Variants in ATAD2B observed in about 807,000 individuals in gnomAD.
The protein encoded by ATAD2B is ATPase family AAA domain-containing protein 2B.
ATAD2B carries 40 observed loss-of-function variants against 167.6 expected under a neutral mutation model. That is an observed-to-expected ratio of 0.24 (90% CI 0.19 to 0.31). The LOEUF is 0.31. ATAD2B is among the 10% of genes least tolerant of loss of function. ATAD2B has a pLI of 1.00. For missense variants in ATAD2B, 1,242 were observed against 1,757.2 expected (o/e 0.71, Z 5.24); for synonymous variants, 579 against 596.5 (o/e 0.97, Z 0.43).
chr2:23,829,243 G>C (rs1247807303), intron 14 of ATAD2B, among the ~76,000 whole-genome samples: 1 of 152,070 alleles, frequency 6.6e-6, no homozygotes, highest in Non-Finnish European at 1.5e-5. Context: ...TCTGGGACTA[G>C]AATTCAAAAC....
chr2:23,865,506 G>T (rs1003580506), intron 10 of ATAD2B, among the ~76,000 whole-genome samples: 1 of 148,446 alleles, frequency 6.7e-6, no homozygotes, highest in Non-Finnish European at 1.5e-5. Context: ...TACAGCCTGG[G>T]CAACAAGAGT....
intron 13 of ATAD2B, among the ~76,000 whole-genome samples, chr2:23,853,220 C>T (rs1318758477): frequency 1.3e-5 from 2 of 152,070 alleles, no homozygotes; most frequent in African/African-American, 2.4e-5. Flanking sequence ...TACTATTTAA[C>T]TGAATTCTAG....
chr2:23,904,350 T>G (rs1189896582), intron 1 of ATAD2B, among the ~76,000 whole-genome samples: 2 of 152,000 alleles, frequency 1.3e-5, no homozygotes, highest in Non-Finnish European at 2.9e-5. Flanking sequence ...ACCTGAGGAT[T>G]TGTAAGTAAG....
chr2:23,724,235 A>G, the ATAD2B span, among the ~76,000 whole-genome samples: 2 of 152,324 alleles, frequency 1.3e-5, no homozygotes, highest in East Asian at 1.9e-4. Flanking sequence ...ATAGTTAACA[A>G]TAATATATAG....
chr2:23,714,801 G>C, the ATAD2B span, among the ~76,000 whole-genome samples: 1 of 151,490 alleles, frequency 6.6e-6, no homozygotes, highest in African/African-American at 2.4e-5. Flanking sequence ...GCTGCAGTGA[G>C]CCAAGATCGC....
chr2:23,884,971 G>T, intron 5 of ATAD2B, 98 bp from the exon 6 acceptor site: 1 of 534,140 alleles, frequency 1.9e-6, no homozygotes. Context: ...AAAATTTATT[G>T]AGCACCTATT....
intron 17 of ATAD2B, among the ~76,000 whole-genome samples, chr2:23,817,067 A>T (rs1686556785): frequency 1.3e-5 from 2 of 152,170 alleles, no homozygotes. Context: ...AAACTAAACC[A>T]ACCAAACAAA....
chr2:23,880,571 A>G lies in ATAD2B; in HGVS notation c.901+68T>C, dbSNP rs996023569. 1.3e-5 allele frequency: 12 copies of G among 908,736 alleles called. No homozygotes were observed. The Admixed American group carries it at 2.6e-4, about 20-fold the overall frequency. The allele number at this position is 908,736 out of a possible 1,614,324, so 56.3% of individuals were successfully genotyped here. A position where few individuals can be genotyped will look rare whatever the true frequency, so the allele number is the denominator to read the frequency against. Reference sequence around the variant, plus strand: ...GAGCGAGACTCTGTCTCAAAAAAAAAAAAAAGCAGTGGGGCAGAATAAGTT... The same window carrying G: ...GAGCGAGACTCTGTCTCAAAAAAAAGAAAAAGCAGTGGGGCAGAATAAGTT... On this transcript the variant is annotated intron_variant, in intron 7 of 27. Coordinates refer to ENST00000238789, the MANE Select transcript of ATAD2B (RefSeq NM_017552.4).
chr2:23,748,907 C>T lies in ATAD2B; in HGVS notation c.*3139G>A, dbSNP rs141480606. 24 of 151,992 alleles carry T rather than the reference C, an allele frequency of 1.6e-4. No individual in the cohort carries two copies. The highest frequency in any genetic ancestry group is 5.5e-4 in the African/African-American group (23 of 41,462). The allele number at this position is 151,992 out of a possible 1,614,324, so 9.4% of individuals were successfully genotyped here. On this transcript the variant is annotated 3_prime_UTR_variant, in exon 28 of 28. Coordinates refer to ENST00000238789, the MANE Select transcript of ATAD2B (RefSeq NM_017552.4). ...ACATGACTGAAACCAAATTGGACTC[C>T]CAAAGTCTAAGTAACCAGATGTACA... is the stretch of plus-strand genomic sequence containing the variant.
chr2:23,862,255 T>C (rs1223461134), intron 12 of ATAD2B, among the ~76,000 whole-genome samples: 1 of 151,956 alleles, frequency 6.6e-6, no homozygotes, highest in Non-Finnish European at 1.5e-5. Context: ...ACACACACCA[T>C]CTCAGTAATG....
chr2:23,766,941 T>C (rs1359780198), intron 22 of ATAD2B, among the ~76,000 whole-genome samples: 2 of 149,184 alleles, frequency 1.3e-5, no homozygotes, highest in Non-Finnish European at 3.0e-5. Context: ...AAACAACTAG[T>C]GCAGGTTCAG....
chr2:23,731,824 A>C, the ATAD2B span, among the ~76,000 whole-genome samples: 1 of 152,108 alleles, frequency 6.6e-6, no homozygotes, highest in South Asian at 2.1e-4. Flanking sequence ...AAAAATAAAA[A>C]AATTAGCTGG....
chr2:23,850,138 CAAA>C (rs751139594), intron 13 of ATAD2B, among the ~76,000 whole-genome samples: 2 of 58,236 alleles, frequency 3.4e-5, no homozygotes, highest in Admixed American at 1.8e-4. Context: ...GACTCCGTCT[CAAA>C]AAAAAAAAAA....
intron 24 of ATAD2B, 113 bp downstream of exon 24, chr2:23,762,096 G>A: frequency 1.8e-6 from 2 of 1,094,638 alleles, no homozygotes; most frequent in Non-Finnish European, 2.5e-6. Context: ...TCTGAAAAGA[G>A]ATTAAAAGAG....
intron 1 of ATAD2B, among the ~76,000 whole-genome samples, chr2:23,914,502 T>C (rs942766601): frequency 6.6e-6 from 1 of 152,046 alleles, no homozygotes; most frequent in Non-Finnish European, 1.5e-5. Context: ...AGAAAGGCTA[T>C]TAAAAAGGTA....
intron 20 of ATAD2B, among the ~76,000 whole-genome samples, chr2:23,787,243 C>T (rs1680964665): frequency 1.3e-5 from 2 of 152,030 alleles, no homozygotes; most frequent in African/African-American, 4.8e-5. Context: ...TGATATCACA[C>T]TACAGCTCAG....
At chr2:23,754,365 T>C (rs570958705) in intron 26 of ATAD2B, 58 bp from the exon 27 acceptor site, 1 of 1,473,018 alleles carries the variant, frequency 6.8e-7, no homozygotes, top group African/African-American at 1.4e-5. Context: ...AAACTGAAAT[T>C]GTATATTCAA....
chr2:23,714,596 T>C, the ATAD2B span, among the ~76,000 whole-genome samples: 2 of 151,296 alleles, frequency 1.3e-5, no homozygotes, highest in African/African-American at 2.4e-5. Context: ...AGCTCACGCC[T>C]GTAATCCCAG....
chr2:23,880,642 T>A lies in ATAD2B; in HGVS notation c.898A>T (p.Ile300Leu). The change falls in exon 7 of 28, where the codon ATA becomes TTA. Residue 300 changes from isoleucine to leucine, a missense_variant. Physicochemically the swap from Ile to Leu is conservative, Grantham distance 5 (BLOSUM62 2). This residue lies in a region of ATAD2B where 127 missense variants were observed against 146.3 expected (regional missense o/e 0.87). Transcript: ENST00000238789. The part of the protein sequence containing the change: ...KTVDRYQAPP[I>L]VPAHQKKREN... ...AAAGTTATTTAGAGTTGCCTACCTA[T>A]TGGAGGTGCTTGGTATCGATCCACT... 1 of 1,577,168 alleles carries A rather than the reference T, an allele frequency of 6.3e-7. No individual in the cohort carries two copies. The highest frequency in any genetic ancestry group is 1.8e-5 in the Admixed American group (1 of 56,820).
Sources: allele counts gnomAD v4.1 joint callset (sites outside exome capture counted in the v4.1 genomes callset), GRCh38; gene constraint gnomAD v4.1.1; regional missense constraint gnomAD v4.1.1; transcripts MANE v1.5; gene names NCBI Gene and HGNC (gene_info 2026-07-23, HGNC 2026-07-21).